The following YWHAE variants were observed in gnomAD, a reference collection of about 807,000 sequenced individuals.
YWHAE encodes tyrosine 3-monooxygenase/tryptophan 5-monooxygenase activation protein epsilon.
In YWHAE, 4 loss-of-function variants were observed where a neutral mutation model predicts 30.1. The ratio of observed to expected loss-of-function variants is 0.13; its 90% CI spans 0.07 to 0.30. The LOEUF (loss-of-function observed/expected upper bound fraction) is 0.30. Among genes scored for constraint, YWHAE ranks in the 10% least tolerant of loss-of-function variants. The probability of loss-of-function intolerance (pLI) is 1.00; values close to 1 mark genes in which losing one functional copy is unlikely to be tolerated. For synonymous variants in YWHAE, 118 were observed against 111.8 expected (o/e 1.06, Z -0.35); for missense variants, 121 against 315.9 (o/e 0.38, Z 4.68).
chr17:1,389,324 C>G (rs1192311394), intron 1 of YWHAE, among the ~76,000 whole-genome samples: 1 of 152,142 alleles, frequency 6.6e-6, no homozygotes, highest in Non-Finnish European at 1.5e-5. Context: ...AACAACCACT[C>G]CAAGGTCCTA....
intron 4 of YWHAE, among the ~76,000 whole-genome samples, chr17:1,355,874 ACAC>A (rs1567958738): frequency 6.6e-6 from 1 of 152,074 alleles, no homozygotes; most frequent in African/African-American, 2.4e-5. Flanking sequence ...CCTATTAAAA[ACAC>A]AAAAAATTAG....
intron 1 of YWHAE, among the ~76,000 whole-genome samples, chr17:1,396,449 G>T: frequency 6.6e-6 from 1 of 152,036 alleles, no homozygotes; most frequent in Middle Eastern, 3.2e-3. Context: ...CAGCTCTCAA[G>T]TAAATGACTC....
At chr17:1,393,086 T>TACTCCAGC (rs1226798397) in intron 1 of YWHAE, among the ~76,000 whole-genome samples, 1 of 151,408 alleles carries the variant, frequency 6.6e-6, no homozygotes, top group East Asian at 1.9e-4. Flanking sequence ...CGCGCCACTG[T>TACTCCAGC]ACTCCAGCAC....
intron 1 of YWHAE, among the ~76,000 whole-genome samples, chr17:1,391,196 T>C (rs540227157): frequency 2.3e-4 from 35 of 152,286 alleles, no homozygotes; most frequent in Admixed American, 1.7e-3. Flanking sequence ...ACCACATCCT[T>C]AACTAGCACG....
intron 1 of YWHAE, among the ~76,000 whole-genome samples, chr17:1,379,549 T>C (rs568794482): frequency 1.5e-4 from 23 of 152,294 alleles, no homozygotes; most frequent in Middle Eastern, 3.4e-3. Context: ...TCAACTACAC[T>C]AATTCTAATA....
At chr17:1,376,396 G>A (rs74399151) in intron 1 of YWHAE, among the ~76,000 whole-genome samples, 15 of 66,112 alleles carry the variant, frequency 2.3e-4, no homozygotes, top group Admixed American at 2.6e-4. Context: ...AAAAGAAAGA[G>A]AGAGAAAGAA....
intron 5 of YWHAE, among the ~76,000 whole-genome samples, chr17:1,346,790 T>A (rs1002578165): frequency 6.6e-6 from 1 of 151,508 alleles, no homozygotes; most frequent in South Asian, 2.1e-4. Flanking sequence ...ATCAAGACCA[T>A]CCTGGCTAAC....
At chr17:1,386,311 T>C (rs747283471) in intron 1 of YWHAE, among the ~76,000 whole-genome samples, 57 of 152,224 alleles carry the variant, frequency 3.7e-4, no homozygotes, top group Non-Finnish European at 7.3e-4. Flanking sequence ...GTACCCTGCA[T>C]ATACCAGACA....
In YWHAE at chr17:1,383,153, C is replaced by T. The variant is rs1156881710; in HGVS notation, c.64+16894G>A. ...ATCACCTGAGGTCGAGAGTTCGAGA[C>T]CAGCCTGACCAACATAGAGAAACCC... On this transcript the variant is annotated intron_variant, in intron 1 of 5. Transcript: ENST00000264335. Among the ~76,000 whole-genome samples, 4 of 151,946 alleles carry T rather than the reference C, an allele frequency of 2.6e-5. No individual in the cohort carries two copies. The East Asian group carries it at 7.8e-4, about 30-fold the overall frequency.
chr17:1,395,945 C>T (rs1440198931), intron 1 of YWHAE, among the ~76,000 whole-genome samples: 3 of 152,058 alleles, frequency 2.0e-5, no homozygotes, highest in Non-Finnish European at 4.4e-5. Flanking sequence ...ATGGCGAAAC[C>T]CCATCTCTAC....
intron 1 of YWHAE, among the ~76,000 whole-genome samples, chr17:1,382,537 T>A (rs1234040405): frequency 2.7e-5 from 4 of 150,678 alleles, no homozygotes; most frequent in African/African-American, 7.3e-5. Flanking sequence ...TTTTTTTGTA[T>A]CTTTAGTAGA....
Position 1,353,592 on chromosome 17 carries a change from G to A in YWHAE, c.715+619C>T, listed in dbSNP as rs534832083. ...AGCCTGACCAACATGGAGAAATCCC[G>A]TCTCTACTAAAAATACAAAAACTAG... On this transcript the variant is annotated intron_variant, in intron 5 of 5. Transcript: ENST00000264335. Among the ~76,000 whole-genome samples the A allele has an allele frequency of 5.9e-5, 9 of 152,008 alleles. No homozygotes were observed. The South Asian group carries it at 8.3e-4, about 14-fold the overall frequency.
intron 4 of YWHAE, among the ~76,000 whole-genome samples, chr17:1,358,986 A>G (rs1185855679): frequency 6.6e-6 from 1 of 151,628 alleles, no homozygotes; most frequent in African/African-American, 2.4e-5. Context: ...AATACAAAAA[A>G]TTAGCCAGGC....
At chr17:1,364,257 C>T (rs1054924755) in intron 2 of YWHAE, among the ~76,000 whole-genome samples, 1 of 150,508 alleles carries the variant, frequency 6.6e-6, no homozygotes, top group Non-Finnish European at 1.5e-5. Flanking sequence ...TGGAGTCTCG[C>T]GCTCTGTCAC....
chr17:1,349,943 A>G (rs1263169071), intron 5 of YWHAE, among the ~76,000 whole-genome samples: 2 of 135,158 alleles, frequency 1.5e-5, no homozygotes, highest in South Asian at 2.4e-4. Flanking sequence ...AAAAACTGCG[A>G]AAGTATTACC....
At chr17:1,367,325 A>G (rs924357057) in intron 1 of YWHAE, among the ~76,000 whole-genome samples, 1 of 152,174 alleles carries the variant, frequency 6.6e-6, no homozygotes, top group African/African-American at 2.4e-5. Context: ...TTAACTGTCC[A>G]TGCACAGTGG....
intron 1 of YWHAE, among the ~76,000 whole-genome samples, chr17:1,393,719 C>A (rs1015473686): frequency 6.6e-6 from 1 of 152,274 alleles, no homozygotes; most frequent in African/African-American, 2.4e-5. Flanking sequence ...GTGTTTGAGC[C>A]GCGGAACCCG....
chr17:1,368,763 A>G (rs1272332647), intron 1 of YWHAE, among the ~76,000 whole-genome samples: 3 of 152,208 alleles, frequency 2.0e-5, no homozygotes, highest in South Asian at 2.1e-4. Flanking sequence ...CAAGTCAAAC[A>G]TAACTCAGAG....
At chr17:1,361,794 T>C (rs991346758) in intron 3 of YWHAE, 108 bp downstream of exon 3, 26 of 647,418 alleles carry the variant, frequency 4.0e-5, no homozygotes, top group Admixed American at 1.1e-4. Context: ...CCTTCTAACA[T>C]TGAACAATTA....
Sources: allele counts gnomAD v4.1 joint callset (sites outside exome capture counted in the v4.1 genomes callset), GRCh38; gene constraint gnomAD v4.1.1; transcripts MANE v1.5; gene names NCBI Gene and HGNC (gene_info 2026-07-23, HGNC 2026-07-21).